The following HPDL variants were observed in gnomAD, a reference collection of about 807,000 sequenced individuals.
The protein encoded by HPDL is 4-hydroxyphenylpyruvate dioxygenase-like protein.
A neutral mutation model predicts 9.8 loss-of-function variants in HPDL; 7 were observed. The ratio of observed to expected loss-of-function variants is 0.71; its 90% CI spans 0.41 to 1.34. The LOEUF (loss-of-function observed/expected upper bound fraction) is 1.34. HPDL is among the 40% of genes most tolerant of loss of function. HPDL has a pLI of 0.01. For synonymous variants in HPDL, 250 were observed against 228.2 expected, an observed-to-expected ratio of 1.10 and a Z score of -0.86; for missense variants, 530 against 495.1, an observed-to-expected ratio of 1.07 and a Z score of -0.67.
rs1644244218 is a variant in HPDL at position 45,327,300 on chromosome 1, A to G, written c.152A>G (p.Asp51Gly). The G allele has an allele frequency of 6.3e-7, 1 of 1,583,818 alleles. No homozygotes were observed. The highest frequency in any genetic ancestry group is 1.1e-5 in the South Asian group (1 of 88,164). ...CGGCAGCTAGCCCTGCGCAGCGGCG[A>G]CGCGGTCTTTTTGGTGAACGAGGGC... ...GWRQLALRSG[D>G]AVFLVNEGAG... is the part of the protein sequence containing the mutation. The change falls in exon 1 of 1, where the codon GAC (aspartate) becomes GGC (glycine). Residue 51 changes from aspartate (D) to glycine (G), a missense_variant. By Grantham distance (94) the Asp-to-Gly change is moderately conservative. Coordinates refer to ENST00000334815, the MANE Select transcript of HPDL (RefSeq NM_032756.4). The surrounding 1 kb of genome is among the most constrained non-coding windows in gnomAD (Gnocchi z 6.3).
chr1:45,328,470 T>C lies in HPDL; in HGVS notation c.*206T>C. On this transcript the variant is annotated 3_prime_UTR_variant, in exon 1 of 1. Transcript: ENST00000334815. ...GATTTTTTAAAACTAAAACATTTCTTATATACAGTCTATAATAAATATGTA... is the reference window on the plus strand; with the variant it reads ...GATTTTTTAAAACTAAAACATTTCTCATATACAGTCTATAATAAATATGTA... The C allele has an allele frequency of 1.8e-6, 1 of 568,194 alleles. No homozygotes were observed. The highest frequency in any genetic ancestry group is 2.6e-5 in the South Asian group (1 of 37,866). 35.2% of individuals were successfully genotyped at this position (568,194 alleles called of 1,614,324 possible). A position where few individuals can be genotyped will look rare whatever the true frequency, so the allele number is the denominator to read the frequency against.
Position 45,328,133 on chromosome 1 carries a change from T to C in HPDL, c.985T>C (p.Ser329Pro), listed in dbSNP as rs773447476. 21 of 1,614,108 alleles carry C rather than the reference T, an allele frequency of 1.3e-5. 1 individual carries two copies. The South Asian group carries it at 2.2e-4, about 17-fold the overall frequency. ...GTTTCTGCTTCAGGTCTTCACCAAG[T>C]CCCTTTTTACTGAGGACACTTTCTT... ...GKFLLQVFTKSLFTEDTFFLE... is the reference protein window; with the variant it reads ...GKFLLQVFTKPLFTEDTFFLE... The change falls in exon 1 of 1, where the codon TCC becomes CCC. Residue 329 changes from serine (S) to proline (P), a missense_variant. Ser to Pro is a moderately conservative substitution (Grantham distance 74, BLOSUM62 -1). Coordinates refer to ENST00000334815, the MANE Select transcript of HPDL (RefSeq NM_032756.4).
rs1163191369 is a variant in HPDL at position 45,327,928 on chromosome 1, G to A, written c.780G>A (p.Gly260=). The change falls in exon 1 of 1, where the codon GGG becomes GGA. Residue 260 remains glycine (G), a synonymous_variant. Transcript: ENST00000334815. This position sits in a 1 kb window ranked among gnomAD's most constrained non-coding sequence, Gnocchi z 6.3. ...RHKGPGLQHV[G]LYTPNIVEAT... is the part of the protein sequence containing the mutation. Reference sequence around the variant, plus strand: ...AGGGGCCAGGCCTGCAGCACGTGGGGCTGTATACGCCTAACATTGTGGAGG... The same window carrying A: ...AGGGGCCAGGCCTGCAGCACGTGGGACTGTATACGCCTAACATTGTGGAGG... 1.9e-6 allele frequency: 3 copies of A among 1,575,232 alleles called. No homozygotes were observed. The highest frequency in any genetic ancestry group is 2.6e-6 in the Non-Finnish European group (3 of 1,159,258).
At position 45,327,077 on chromosome 1, in the gene HPDL, G is replaced by T. The variant is rs1237807294; in HGVS notation, c.-72G>T. 2.1e-6 allele frequency: 3 copies of T among 1,462,324 alleles called. No individual in the cohort carries two copies. Among genetic ancestry groups the T allele is most frequent in the Non-Finnish European group, 2.7e-6 (3 of 1,098,016 alleles). 90.6% of individuals were successfully genotyped at this position (1,462,324 alleles called of 1,614,324 possible). On this transcript the variant is annotated 5_prime_UTR_variant, in exon 1 of 1. Transcript: ENST00000334815. This position sits in a 1 kb window ranked among gnomAD's most constrained non-coding sequence, Gnocchi z 6.3. ...AACTCCGGACGATCAGCCCAGGACT[G>T]AGAGCCCCGAAGTCCCCAACCACAA... is the stretch of plus-strand genomic sequence containing the variant.
Position 45,327,260 on chromosome 1 carries a change from G to T in HPDL, c.112G>T (p.Glu38Ter). 6.2e-7 allele frequency: 1 copy of T among 1,601,990 alleles called. No homozygotes were observed. The change falls in exon 1 of 1, where the codon GAG becomes TAG. Residue 38 changes from glutamate to a stop codon, truncating the protein, a stop_gained. Transcript: ENST00000334815. LOFTEE classifies it low-confidence loss of function (END_TRUNC). This position sits in a 1 kb window ranked among gnomAD's most constrained non-coding sequence, Gnocchi z 6.3. The part of the protein sequence containing the change: ...LFGFQPLASR[E>*]VDGWRQLALR... ...CGGCTTCCAGCCCCTGGCTTCGCGG[G>T]AGGTGGACGGCTGGCGGCAGCTAGC... is the stretch of plus-strand genomic sequence containing the variant.
rs769218043 is a variant in HPDL at position 45,328,041 on chromosome 1, G to A, written c.893G>A (p.Arg298Gln). The A allele has an allele frequency of 4.3e-6, 7 of 1,614,206 alleles. No individual in the cohort carries two copies. The highest frequency in any genetic ancestry group is 1.3e-5 in the African/African-American group (1 of 75,062). ...YQQPGKERQI[R>Q]AAGHEPHLLA... ...CAGCCAGGAAAGGAGAGGCAGATCC[G>A]AGCTGCAGGGCACGAGCCTCATCTG... Residue 298 changes from arginine (R) to glutamine (Q), a missense_variant, in exon 1 of 1, where the codon CGA (arginine) becomes CAA (glutamine). By Grantham distance (43) the Arg-to-Gln change is conservative. Transcript: ENST00000334815.
Position 45,328,081 on chromosome 1 carries a change from G to C in HPDL, c.933G>C (p.Gly311=). The change falls in exon 1 of 1, where the codon GGG becomes GGC. Residue 311 remains glycine (G), a synonymous_variant. Coordinates refer to ENST00000334815, the MANE Select transcript of HPDL (RefSeq NM_032756.4). ...AGCCTCATCTGCTTGCTCGACAGGG[G>C]ATCCTGCTAGATGGTGATAAAGGCA... ...GHEPHLLARQ[G]ILLDGDKGKF... 1 of 1,614,260 alleles carries C rather than the reference G, an allele frequency of 6.2e-7. No homozygotes were observed. Among genetic ancestry groups the C allele is most frequent in the Non-Finnish European group, 8.5e-7 (1 of 1,180,056 alleles).
rs1286850288 is a variant in HPDL, at chr1:45,328,497, G to T, written c.*233G>T. ...TATACAGTCTATAATAAATATGTAA[G>T]ATACAAAGAACAATAAAAGAATTAC... On this transcript the variant is annotated 3_prime_UTR_variant, in exon 1 of 1. Coordinates refer to ENST00000334815, the MANE Select transcript of HPDL (RefSeq NM_032756.4). 1 of 472,576 alleles carries T rather than the reference G, an allele frequency of 2.1e-6. No homozygotes were observed. Among genetic ancestry groups the T allele is most frequent in the Non-Finnish European group, 3.9e-6 (1 of 258,980 alleles). The allele number at this position is 472,576 out of a possible 1,614,324, so 29.3% of individuals were successfully genotyped here. A position where few individuals can be genotyped will look rare whatever the true frequency, so the allele number is the denominator to read the frequency against.
Position 45,327,389 on chromosome 1 carries a change from C to A in HPDL, c.241C>A (p.Leu81Met). 6.3e-7 allele frequency: 1 copy of A among 1,586,952 alleles called. No individual in the cohort carries two copies. Reference sequence around the variant, plus strand: ...TCACGCCGTGCCCAGCGCCACAAACCTGTGCTTCGACGTGGCGGACGCCGG... The same window carrying A: ...TCACGCCGTGCCCAGCGCCACAAACATGTGCTTCGACGTGGCGGACGCCGG... ...PRHAVPSATNLCFDVADAGAA... is the reference protein window; with the variant it reads ...PRHAVPSATNMCFDVADAGAA... Residue 81 changes from leucine (L) to methionine (M), a missense_variant, in exon 1 of 1, where the codon CTG becomes ATG. Physicochemically the swap from Leu to Met is conservative, Grantham distance 15 (BLOSUM62 2). Transcript: ENST00000334815. This position sits in a 1 kb window ranked among gnomAD's most constrained non-coding sequence, Gnocchi z 6.3.
chr1:45,327,006 C>T lies in HPDL; in HGVS notation c.-143C>T. ...CAGGGGTCGGCGGGTGACTTCTTTC[C>T]GGAAGAAAGCGAGGAACGCGCTCTG... is the stretch of plus-strand genomic sequence containing the variant. On this transcript the variant is annotated 5_prime_UTR_variant, in exon 1 of 1. Transcript: ENST00000334815. This position sits in a 1 kb window ranked among gnomAD's most constrained non-coding sequence, Gnocchi z 6.3. The T allele has an allele frequency of 1.2e-6, 1 of 865,476 alleles. No homozygotes were observed. Among genetic ancestry groups the T allele is most frequent in the Non-Finnish European group, 1.6e-6 (1 of 617,566 alleles). The allele number at this position is 865,476 out of a possible 1,614,324, so 53.6% of individuals were successfully genotyped here.
Sources: gnomAD v4.1 joint callset for allele counts on GRCh38, gnomAD v4.1.1 for gene constraint, Gnocchi (gnomAD v3.1) non-coding constraint, MANE v1.5 for transcripts, NCBI Gene and HGNC (gene_info 2026-07-23, HGNC 2026-07-21) for gene names.